The following NLRP14 variants were observed in gnomAD, a reference collection of about 807,000 sequenced individuals.
The protein encoded by NLRP14 is NACHT, LRR and PYD domains-containing protein 14.
Under a neutral mutation model 94.7 loss-of-function variants are expected in NLRP14, and 105 were observed. That is an observed-to-expected ratio of 1.11 (90% CI 0.95 to 1.30). The LOEUF (loss-of-function observed/expected upper bound fraction) is 1.30. NLRP14 is among the 50% of genes most tolerant of loss of function. The pLI is 0.00. For missense variants in NLRP14, 1,362 were observed against 1,254.1 expected (o/e 1.09, Z -1.30); for synonymous variants, 508 against 459.9 (o/e 1.10, Z -1.34).
chr11:7,056,529 A>AG, intron 6 of NLRP14, among the ~76,000 whole-genome samples: 1 of 151,320 alleles, frequency 6.6e-6, no homozygotes, highest in East Asian at 1.9e-4. Context: ...AAAAAAAAAA[A>AG]AAAGAAATCT....
the NLRP14 span, among the ~76,000 whole-genome samples, chr11:7,080,837 G>A: frequency 6.6e-6 from 1 of 152,208 alleles, no homozygotes; most frequent in Non-Finnish European, 1.5e-5. Context: ...AAACATGAGA[G>A]GTGCTCCTGG....
the NLRP14 span, among the ~76,000 whole-genome samples, chr11:7,076,800 AT>A: frequency 6.6e-6 from 1 of 152,034 alleles, no homozygotes; most frequent in Middle Eastern, 3.4e-3. Context: ...TTTCTTCACT[AT>A]TTTATTTCCA....
At chr11:7,063,992 C>T (rs1421086277) in intron 10 of NLRP14, among the ~76,000 whole-genome samples, 1 of 152,090 alleles carries the variant, frequency 6.6e-6, no homozygotes, top group Non-Finnish European at 1.5e-5. Context: ...GTCCACTCTT[C>T]CCCACATGCA....
the NLRP14 span, among the ~76,000 whole-genome samples, chr11:7,080,349 A>G: frequency 7.2e-5 from 11 of 152,208 alleles, no homozygotes; most frequent in African/African-American, 2.7e-4. Flanking sequence ...CTTGATTACT[A>G]CAGTAGTCTC....
intron 1 of NLRP14, among the ~76,000 whole-genome samples, chr11:7,031,054 C>A (rs1004873813): frequency 2.0e-5 from 3 of 152,172 alleles, no homozygotes; most frequent in African/African-American, 7.2e-5. Context: ...GGCCCGCAGC[C>A]CTCTTAGCGG....
At chr11:7,051,802 T>C (rs1272770681) in intron 6 of NLRP14, among the ~76,000 whole-genome samples, 1 of 151,450 alleles carries the variant, frequency 6.6e-6, no homozygotes, top group Non-Finnish European at 1.5e-5. Context: ...TTTGTGTTTT[T>C]AGTAGAGATG....
At chr11:7,051,864 G>A (rs1029968191) in intron 6 of NLRP14, among the ~76,000 whole-genome samples, 5 of 152,084 alleles carry the variant, frequency 3.3e-5, no homozygotes, top group Admixed American at 6.6e-5. Flanking sequence ...CTTGTGATCC[G>A]CCTGCCTTGG....
chr11:7,067,368 G>C (rs1028573455), intron 10 of NLRP14, among the ~76,000 whole-genome samples: 6 of 152,022 alleles, frequency 3.9e-5, no homozygotes, highest in African/African-American at 1.4e-4. Flanking sequence ...TGTGTCCTCT[G>C]TTATTTCCTT....
At position 7,060,059 on chromosome 11, in the gene NLRP14, C is replaced by T; in HGVS notation, c.2799C>T (p.Asp933=). ...VFRHPSCNLQ[D]LELMGCVLTN... ...GGCATCCAAGCTGTAATCTTCAGGA[C>T]TTGGAGTAGGTTTTCTGTTGCTTTA... Residue 933 remains aspartate (D), a synonymous_variant, in exon 9 of 12, where the codon GAC becomes GAT. Transcript: ENST00000299481. The T allele has an allele frequency of 6.2e-7, 1 of 1,612,060 alleles. No individual in the cohort carries two copies. Among genetic ancestry groups the T allele is most frequent in the Non-Finnish European group, 8.5e-7 (1 of 1,178,474 alleles).
the NLRP14 span, among the ~76,000 whole-genome samples, chr11:7,086,106 T>A: frequency 6.6e-6 from 1 of 152,358 alleles, no homozygotes. Flanking sequence ...CCTAATTTTT[T>A]GAAGAACTGT....
At chr11:7,061,475 A>T (rs71472626) in intron 9 of NLRP14, among the ~76,000 whole-genome samples, 1,982 of 152,124 alleles carry the variant, frequency 0.013, 28 homozygotes, top group Non-Finnish European at 0.019. Context: ...CAAAGCCTCT[A>T]TGCAGACCAT....
At chr11:7,055,234 T>C (rs1487820926) in intron 6 of NLRP14, among the ~76,000 whole-genome samples, 1 of 152,154 alleles carries the variant, frequency 6.6e-6, no homozygotes, top group Non-Finnish European at 1.5e-5. Flanking sequence ...AATAGGCCCA[T>C]GAAGCCTATC....
At chr11:7,028,242 T>C (rs1247202796) in intron 1 of NLRP14, among the ~76,000 whole-genome samples, 1 of 152,194 alleles carries the variant, frequency 6.6e-6, no homozygotes, top group Admixed American at 6.5e-5. Context: ...CTTGGTTTTT[T>C]AAACAATCTT....
chr11:7,080,064 C>G, the NLRP14 span, among the ~76,000 whole-genome samples: 1 of 152,158 alleles, frequency 6.6e-6, no homozygotes, highest in Non-Finnish European at 1.5e-5. Context: ...GGAAGTCTGG[C>G]TTTGAAAGCA....
Position 7,047,763 on chromosome 11 carries a change from C to CTTTTT in NLRP14, c.2123+935_2123+936insTTTTT, listed in dbSNP as rs370253823. Among the ~76,000 whole-genome samples the CTTTTT allele has an allele frequency of 2.8e-4, 35 of 123,842 alleles. 7 individuals are homozygous for CTTTTT. The highest frequency in any genetic ancestry group is 3.5e-4 in the Admixed American group (4 of 11,546). The allele number at this position is 123,842 out of a possible 152,430, so 81.2% of individuals were successfully genotyped here. A position where few individuals can be genotyped will look rare whatever the true frequency, so the allele number is the denominator to read the frequency against. Reference sequence around the variant, plus strand: ...AATTTATCTTCTTTCTCTTTCTTTTCTTTTCTTTTTTTTTTTTGAGACAGT... The same window carrying CTTTTT: ...AATTTATCTTCTTTCTCTTTCTTTTCTTTTTTTTTCTTTTTTTTTTTTGAGACAGT... On this transcript the variant is annotated intron_variant, in intron 5 of 11. Transcript: ENST00000299481.
At position 7,042,068 on chromosome 11, in the gene NLRP14, T is replaced by C. The variant is rs10160530; in HGVS notation, c.362-320T>C. Among the ~76,000 whole-genome samples the C allele has an allele frequency of 0.7, 106,171 of 150,846 alleles. 37,516 individuals are homozygous for C. Among genetic ancestry groups the C allele is most frequent in the East Asian group, 0.86 (4,452 of 5,148 alleles). The stretch of plus-strand genomic sequence containing the variant: ...TGACATCTCTGTTCTCCACATCTAT[T>C]ATCTTTTTTCTATGTAGAAGGAAAA... On this transcript the variant is annotated intron_variant, in intron 3 of 11. Coordinates refer to ENST00000299481, the MANE Select transcript of NLRP14 (RefSeq NM_176822.4).
intron 5 of NLRP14, 70 bp downstream of exon 5, chr11:7,046,902 C>G: frequency 8.7e-7 from 1 of 1,143,774 alleles, no homozygotes; most frequent in South Asian, 1.2e-5. Flanking sequence ...TCCACTCATA[C>G]TCGTTAGGGG....
downstream of NLRP14, among the ~76,000 whole-genome samples, chr11:7,073,782 G>C (rs1852835611): frequency 6.6e-6 from 1 of 152,192 alleles, no homozygotes; most frequent in Non-Finnish European, 1.5e-5. Flanking sequence ...AGGTTCGGAA[G>C]GTTCTATCCC....
Position 7,059,875 on chromosome 11 carries a change from C to G in NLRP14, c.2634-19C>G, listed in dbSNP as rs544630071. On this transcript the variant is annotated intron_variant, in intron 8 of 11. Transcript: ENST00000299481. Reference sequence around the variant, plus strand: ...GTAGAGCAATGATTCCATCTTTCTTCACATTGTCCTTCCTGTAGGCTGAGG... The same window carrying G: ...GTAGAGCAATGATTCCATCTTTCTTGACATTGTCCTTCCTGTAGGCTGAGG... 6.2e-7 allele frequency: 1 copy of G among 1,603,684 alleles called. No homozygotes were observed. The highest frequency in any genetic ancestry group is 1.1e-5 in the South Asian group (1 of 90,774).
Sources: allele counts gnomAD v4.1 joint callset (sites outside exome capture counted in the v4.1 genomes callset), GRCh38; gene constraint gnomAD v4.1.1; transcripts MANE v1.5; gene names NCBI Gene and HGNC (gene_info 2026-07-23, HGNC 2026-07-21).